Variants in CSMD3 observed in about 807,000 individuals in gnomAD.
CSMD3 encodes CUB and sushi domain-containing protein 3.
CSMD3 carries 177 observed loss-of-function variants against 435.2 expected under a neutral mutation model. The ratio of observed to expected loss-of-function variants is 0.41; its 90% CI spans 0.36 to 0.46. The LOEUF is 0.46. CSMD3 is among the 20% of genes least tolerant of loss of function. The pLI is 0.34. For missense variants in CSMD3, 4,265 were observed against 4,504.6 expected, an observed-to-expected ratio of 0.95 and a Z score of 1.52; for synonymous variants, 1,656 against 1,520.5, an observed-to-expected ratio of 1.09 and a Z score of -2.07.
At chr8:113,373,175 A>C (rs1184645514) in intron 1 of CSMD3, among the ~76,000 whole-genome samples, 1 of 152,128 alleles carries the variant, frequency 6.6e-6, no homozygotes. Context: ...ATTTTGGCTA[A>C]AATTAGACAC....
intron 1 of CSMD3, among the ~76,000 whole-genome samples, chr8:113,414,275 A>G (rs562944758): frequency 7.9e-5 from 12 of 152,320 alleles, no homozygotes; most frequent in Non-Finnish European, 1.8e-4. Flanking sequence ...TTTAAAAACA[A>G]ATATTCTTTC....
chr8:113,378,398 G>A (rs931427509), intron 1 of CSMD3, among the ~76,000 whole-genome samples: 1 of 152,152 alleles, frequency 6.6e-6, no homozygotes, highest in Admixed American at 6.5e-5. Flanking sequence ...TAGAGATATA[G>A]TCTAGTTGAG....
At chr8:112,669,097 A>G (rs1197582978) in intron 16 of CSMD3, among the ~76,000 whole-genome samples, 2 of 151,948 alleles carry the variant, frequency 1.3e-5, no homozygotes, top group African/African-American at 4.8e-5. Flanking sequence ...CAATTGCACA[A>G]TCTCATCTCA....
intron 11 of CSMD3, among the ~76,000 whole-genome samples, chr8:112,844,238 T>C (rs938508035): frequency 6.6e-6 from 1 of 151,962 alleles, no homozygotes; most frequent in South Asian, 2.1e-4. Context: ...ATGAGTTTTT[T>C]CCTAATATCT....
chr8:112,411,149 C>G (rs1002990727), intron 32 of CSMD3, among the ~76,000 whole-genome samples: 55 of 145,680 alleles, frequency 3.8e-4, no homozygotes, highest in African/African-American at 1.4e-3. Context: ...TGCCTTTAGG[C>G]CTCTTCTCAA....
intron 13 of CSMD3, among the ~76,000 whole-genome samples, chr8:112,785,596 T>C (rs528884716): frequency 3.3e-5 from 5 of 152,004 alleles, no homozygotes; most frequent in Non-Finnish European, 7.4e-5. Flanking sequence ...CAAAAATCAG[T>C]AGCATTTCTA....
At chr8:113,230,191 C>T (rs1420093615) in intron 3 of CSMD3, among the ~76,000 whole-genome samples, 1 of 151,660 alleles carries the variant, frequency 6.6e-6, no homozygotes. Flanking sequence ...AATAGTTTAT[C>T]TCAATTGCCA....
intron 6 of CSMD3, among the ~76,000 whole-genome samples, chr8:112,992,250 CCTCT>C (rs2085483195): frequency 6.6e-6 from 1 of 151,424 alleles, no homozygotes; most frequent in Non-Finnish European, 1.5e-5. Context: ...TTCGTCCCTC[CCTCT>C]ATCTTTTTTT....
intron 2 of CSMD3, among the ~76,000 whole-genome samples, chr8:113,279,541 T>A (rs1443738928): frequency 6.6e-6 from 1 of 151,742 alleles, no homozygotes; most frequent in East Asian, 1.9e-4. Flanking sequence ...AAGAACATTG[T>A]GAAGAATTGT....
chr8:113,135,703 C>G (rs1472912143), intron 4 of CSMD3, among the ~76,000 whole-genome samples: 1 of 151,676 alleles, frequency 6.6e-6, no homozygotes, highest in Non-Finnish European at 1.5e-5. Context: ...TATTTTTCAG[C>G]CAAATCTTCG....
At chr8:112,269,035 T>C (rs971572657) in intron 59 of CSMD3, among the ~76,000 whole-genome samples, 6 of 152,178 alleles carry the variant, frequency 3.9e-5, no homozygotes, top group Non-Finnish European at 7.4e-5. Context: ...CCCCTGCCCC[T>C]GCACTGTGAC....
Position 112,384,615 on chromosome 8 carries a change from T to G in CSMD3, c.5935-952A>C, listed in dbSNP as rs75327421. Among the ~76,000 whole-genome samples, 1,440 of 152,362 alleles carry G rather than the reference T, an allele frequency of 9.5e-3. 31 individuals are homozygous for G. The highest frequency in any genetic ancestry group is 0.033 in the African/African-American group (1,360 of 41,596). On this transcript the variant is annotated intron_variant, in intron 36 of 70. Coordinates refer to ENST00000297405, the MANE Select transcript of CSMD3 (RefSeq NM_198123.2). ...TGCACTGCACTCATTCACTAAATAA[T>G]TACAACAATTTCACTCATTAAAAAT...
chr8:113,236,775 G>A (rs976635908), intron 3 of CSMD3, among the ~76,000 whole-genome samples: 2 of 152,058 alleles, frequency 1.3e-5, no homozygotes, highest in Non-Finnish European at 2.9e-5. Context: ...ATAATAGTGT[G>A]AGCCAATTCC....
At chr8:113,311,956 A>C (rs958288390) in intron 2 of CSMD3, 3 of 152,150 alleles carry the variant, frequency 2.0e-5, no homozygotes, top group Non-Finnish European at 4.4e-5. Context: ...AGGAAAAATA[A>C]ATTTGTAGCT....
intron 22 of CSMD3, among the ~76,000 whole-genome samples, chr8:112,595,602 G>C (rs1453393264): frequency 7.1e-5 from 5 of 70,650 alleles, no homozygotes; most frequent in Non-Finnish European, 2.7e-5. Flanking sequence ...AAAATGTTAA[G>C]GGCAGCCAGA....
At chr8:112,587,740 A>T (rs978149578) in intron 22 of CSMD3, among the ~76,000 whole-genome samples, 1 of 152,020 alleles carries the variant, frequency 6.6e-6, no homozygotes, top group African/African-American at 2.4e-5. Context: ...CAAATATTAC[A>T]TTATCTTTGA....
At chr8:113,083,966 T>C (rs1435685579) in intron 5 of CSMD3, among the ~76,000 whole-genome samples, 3 of 152,092 alleles carry the variant, frequency 2.0e-5, no homozygotes, top group Non-Finnish European at 4.4e-5. Context: ...GAGCAAGATC[T>C]TTCCTTGAAA....
chr8:112,702,721 AG>A (rs2076415279), intron 13 of CSMD3, among the ~76,000 whole-genome samples: 1 of 151,974 alleles, frequency 6.6e-6, no homozygotes, highest in Non-Finnish European at 1.5e-5. Flanking sequence ...TAGGGTGAGG[AG>A]GTCAGGAGGG....
At chr8:113,367,738 C>G (rs2094321620) in intron 1 of CSMD3, among the ~76,000 whole-genome samples, 1 of 152,036 alleles carries the variant, frequency 6.6e-6, no homozygotes, top group Non-Finnish European at 1.5e-5. Flanking sequence ...GTGTTTGGAA[C>G]AGTCTAATCT....
Sources: allele counts gnomAD v4.1 joint callset (sites outside exome capture counted in the v4.1 genomes callset), GRCh38; gene constraint gnomAD v4.1.1; transcripts MANE v1.5; gene names NCBI Gene and HGNC (gene_info 2026-07-23, HGNC 2026-07-21).